The following NRF1 variants were observed in gnomAD, a reference collection of about 807,000 sequenced individuals.
NRF1 encodes nuclear respiratory factor 1.
Under a neutral mutation model 58.5 loss-of-function variants are expected in NRF1, and 5 were observed. The observed-to-expected ratio is 0.09, with a 90% CI of 0.04 to 0.18. The LOEUF (loss-of-function observed/expected upper bound fraction) is 0.18, where lower values mean the gene tolerates loss of function less well. Among genes scored for constraint, NRF1 ranks in the 10% least tolerant of loss-of-function variants. The probability of loss-of-function intolerance (pLI) is 1.00; values close to 1 mark genes in which losing one functional copy is unlikely to be tolerated. For synonymous variants in NRF1, 224 were observed against 246.7 expected, an observed-to-expected ratio of 0.91 and a Z score of 0.86; for missense variants, 288 against 657.7, an observed-to-expected ratio of 0.44 and a Z score of 6.15.
chr7:129,722,418 G>A (rs1294471371), intron 9 of NRF1, among the ~76,000 whole-genome samples: 1 of 151,858 alleles, frequency 6.6e-6, no homozygotes, highest in Non-Finnish European at 1.5e-5. Flanking sequence ...AATCTTTCTA[G>A]CAGTTTAGTT....
At chr7:129,671,386 T>C (rs781700485) in intron 2 of NRF1, 43 bp from the exon 3 acceptor site, 2 of 1,268,498 alleles carry the variant, frequency 1.6e-6, no homozygotes, top group East Asian at 2.3e-5. Context: ...TTGAACAGTT[T>C]ACAGGCAGCT....
intron 10 of NRF1, among the ~76,000 whole-genome samples, chr7:129,740,990 G>A (rs1803833081): frequency 6.6e-6 from 1 of 152,132 alleles, no homozygotes; most frequent in South Asian, 2.1e-4. Flanking sequence ...TACTTTTCAT[G>A]TGAAAGACTG....
intron 4 of NRF1, among the ~76,000 whole-genome samples, chr7:129,683,310 T>TGAGAGAGAGAGA (rs1562969591): frequency 7.0e-6 from 1 of 143,602 alleles, no homozygotes; most frequent in African/African-American, 2.6e-5. Flanking sequence ...TGTGTGTGTG[T>TGAGAGAGAGAGA]GTGTGTGTGT....
At chr7:129,737,717 C>T (rs1387158608) in intron 10 of NRF1, among the ~76,000 whole-genome samples, 1 of 152,144 alleles carries the variant, frequency 6.6e-6, no homozygotes, top group Non-Finnish European at 1.5e-5. Context: ...CCAGTGTGTA[C>T]TAAATCACTT....
chr7:129,665,986 T>G (rs919710623), intron 2 of NRF1, among the ~76,000 whole-genome samples: 1 of 152,222 alleles, frequency 6.6e-6, no homozygotes, highest in African/African-American at 2.4e-5. Flanking sequence ...GATAGGTTAA[T>G]AAAGAAGTGG....
rs535463790 is a variant in NRF1 at position 129,663,236 on chromosome 7, G to A, written c.223+5662G>A. 7.9e-4 allele frequency among the ~76,000 whole-genome samples: 120 copies of A among 152,020 alleles called. 2 individuals carry two copies. Among genetic ancestry groups the A allele is most frequent in the Admixed American group, 6.7e-3 (102 of 15,278 alleles). ...TTTTCTTTTCGACAAAACCGCCATC[G>A]TCATCATGGCCCGCTCTCGATGGTC... On this transcript the variant is annotated intron_variant, in intron 2 of 10. Coordinates refer to ENST00000393232, the MANE Select transcript of NRF1 (RefSeq NM_005011.5).
chr7:129,653,264 T>C (rs1034063238), intron 1 of NRF1, among the ~76,000 whole-genome samples: 1 of 152,262 alleles, frequency 6.6e-6, no homozygotes, highest in African/African-American at 2.4e-5. Context: ...TTTCCTTTTT[T>C]TAAAAATTGG....
chr7:129,687,918 AGTT>A (rs1284633228), intron 4 of NRF1, among the ~76,000 whole-genome samples: 1 of 152,246 alleles, frequency 6.6e-6, no homozygotes, highest in African/African-American at 2.4e-5. Flanking sequence ...TAATACCTGA[AGTT>A]GTTTTGTTGC....
intron 8 of NRF1, among the ~76,000 whole-genome samples, chr7:129,715,745 A>C (rs1264437731): frequency 1.3e-5 from 2 of 152,172 alleles, no homozygotes; most frequent in African/African-American, 4.8e-5. Context: ...TATATAATGC[A>C]ATGCTTCCCA....
At chr7:129,735,265 C>G (rs772445233) in intron 10 of NRF1, 12 of 984,620 alleles carry the variant, frequency 1.2e-5, no homozygotes, top group African/African-American at 1.7e-5. Flanking sequence ...GGTGCGGTGG[C>G]TCACGCCTGT....
chr7:129,725,927 G>C (rs1438480024), intron 9 of NRF1, among the ~76,000 whole-genome samples: 1 of 152,196 alleles, frequency 6.6e-6, no homozygotes, highest in Non-Finnish European at 1.5e-5. Flanking sequence ...TACTATATCT[G>C]TTGTTTTACT....
At chr7:129,717,498 C>T (rs1803220366) in intron 9 of NRF1, 122 bp downstream of exon 9, 1 of 1,066,906 alleles carries the variant, frequency 9.4e-7, no homozygotes, top group Non-Finnish European at 1.3e-6. Flanking sequence ...ACTTAACACT[C>T]TTGGCCCATA....
chr7:129,650,336 A>G (rs1403534704), intron 1 of NRF1, among the ~76,000 whole-genome samples: 1 of 152,104 alleles, frequency 6.6e-6, no homozygotes, highest in Non-Finnish European at 1.5e-5. Flanking sequence ...ATCACTCTCA[A>G]GTCCATCTGC....
chr7:129,699,462 C>CCAA (rs747805734), intron 5 of NRF1, among the ~76,000 whole-genome samples: 36 of 152,020 alleles, frequency 2.4e-4, no homozygotes, highest in Non-Finnish European at 4.6e-4. Context: ...GCCTGTAATA[C>CCAA]CAACACTTTA....
chr7:129,635,101 C>G (rs550791070), intron 1 of NRF1, among the ~76,000 whole-genome samples: 2 of 152,168 alleles, frequency 1.3e-5, no homozygotes, highest in East Asian at 1.9e-4. Context: ...AAAACAAGTC[C>G]AAGTCCTTTC....
chr7:129,669,107 C>T (rs575791719), intron 2 of NRF1, among the ~76,000 whole-genome samples: 20 of 152,178 alleles, frequency 1.3e-4, no homozygotes, highest in African/African-American at 4.6e-4. Flanking sequence ...ACCACCATGC[C>T]CAGCTAATTT....
intron 5 of NRF1, among the ~76,000 whole-genome samples, chr7:129,707,931 C>T (rs1749563319): frequency 6.6e-6 from 1 of 152,014 alleles, no homozygotes; most frequent in Non-Finnish European, 1.5e-5. Flanking sequence ...GATAAGAATA[C>T]CTGATATTTA....
At chr7:129,641,425 A>G (rs1801286592) in intron 1 of NRF1, among the ~76,000 whole-genome samples, 1 of 151,954 alleles carries the variant, frequency 6.6e-6, no homozygotes, top group African/African-American at 2.4e-5. Context: ...TTTATATTCT[A>G]CCTTCTGATA....
intron 9 of NRF1, among the ~76,000 whole-genome samples, chr7:129,720,059 A>G (rs1022873060): frequency 6.6e-6 from 1 of 152,172 alleles, no homozygotes; most frequent in African/African-American, 2.4e-5. Flanking sequence ...ACAAACTTAG[A>G]TGCAGCTGAG....
Sources: gnomAD v4.1 joint callset for allele counts (sites outside exome capture counted in the v4.1 genomes callset) on GRCh38, gnomAD v4.1.1 for gene constraint, MANE v1.5 for transcripts, NCBI Gene and HGNC (gene_info 2026-07-23, HGNC 2026-07-21) for gene names.